PPP6R1: variants seen among roughly 807,000 people sequenced by gnomAD.
PPP6R1 encodes protein phosphatase 6 regulatory subunit 1, also known as serine/threonine-protein phosphatase 6 regulatory subunit 1.
PPP6R1 carries 39 observed loss-of-function variants against 104.6 expected under a neutral mutation model. The ratio of observed to expected loss-of-function variants is 0.37; its 90% CI spans 0.29 to 0.49. The LOEUF (loss-of-function observed/expected upper bound fraction) is 0.49. Among genes scored for constraint, PPP6R1 ranks in the 20% least tolerant of loss-of-function variants. The pLI, the probability that PPP6R1 is intolerant of heterozygous loss-of-function variation, is 0.98. For missense variants in PPP6R1, 1,181 were observed against 1,155.8 expected, an observed-to-expected ratio of 1.02 and a Z score of -0.32; for synonymous variants, 549 against 479.0, an observed-to-expected ratio of 1.15 and a Z score of -1.91.
At chr19:55,248,371 C>T (rs925877780) in intron 1 of PPP6R1, among the ~76,000 whole-genome samples, 2 of 152,252 alleles carry the variant, frequency 1.3e-5, no homozygotes, top group South Asian at 2.1e-4. Context: ...ACAGCCTTCA[C>T]GGAGCTCTCA....
chr19:55,231,174 C>T (rs972156330), intron 21 of PPP6R1, among the ~76,000 whole-genome samples: 2 of 152,144 alleles, frequency 1.3e-5, no homozygotes, highest in African/African-American at 4.8e-5. Context: ...CAATCCTTCA[C>T]ACCCTCCAAC....
intron 17 of PPP6R1, among the ~76,000 whole-genome samples, chr19:55,234,382 T>A (rs1304121130): frequency 2.6e-5 from 4 of 152,192 alleles, no homozygotes; most frequent in African/African-American, 9.7e-5. Context: ...AAATATTTCC[T>A]TTTTACACAG....
chr19:55,257,226 T>C (rs2087600048), intron 1 of PPP6R1, among the ~76,000 whole-genome samples: 1 of 152,216 alleles, frequency 6.6e-6, no homozygotes, highest in South Asian at 2.1e-4. Flanking sequence ...TCCTGTGTTA[T>C]CCAGGCAATC....
chr19:55,257,810 T>C (rs559877241), intron 1 of PPP6R1, among the ~76,000 whole-genome samples: 5 of 152,196 alleles, frequency 3.3e-5, no homozygotes, highest in Non-Finnish European at 7.3e-5. Context: ...TGATGCCCCC[T>C]CCTCGGTGCC....
intron 15 of PPP6R1, among the ~76,000 whole-genome samples, chr19:55,238,213 A>G (rs1157764362): frequency 6.6e-6 from 1 of 151,908 alleles, no homozygotes; most frequent in Non-Finnish European, 1.5e-5. Context: ...TTTTCACTTG[A>G]GCATCTTCTC....
At chr19:55,233,439 G>GTTCAAC (rs1397555433) in intron 17 of PPP6R1, among the ~76,000 whole-genome samples, 1 of 152,116 alleles carries the variant, frequency 6.6e-6, no homozygotes, top group Non-Finnish European at 1.5e-5. Context: ...CATTGTCCCG[G>GTTCAAC]AGGCTAGCCA....
chr19:55,237,171 C>T (rs1442091978), intron 15 of PPP6R1, among the ~76,000 whole-genome samples: 2 of 152,234 alleles, frequency 1.3e-5, no homozygotes, highest in Non-Finnish European at 2.9e-5. Context: ...CATATGATCA[C>T]TTTAAATCCT....
chr19:55,253,501 A>C (rs530584342), intron 1 of PPP6R1, among the ~76,000 whole-genome samples: 5 of 152,222 alleles, frequency 3.3e-5, no homozygotes, highest in Non-Finnish European at 2.9e-5. Flanking sequence ...GGCAGCCAGA[A>C]TGAGACGGGA....
At chr19:55,233,906 T>C (rs2087371634) in intron 17 of PPP6R1, among the ~76,000 whole-genome samples, 1 of 152,126 alleles carries the variant, frequency 6.6e-6, no homozygotes, top group Non-Finnish European at 1.5e-5. Flanking sequence ...GGCAAAACAA[T>C]CTTTAAAAAG....
intron 5 of PPP6R1, among the ~76,000 whole-genome samples, chr19:55,243,141 G>A (rs574299254): frequency 3.3e-5 from 5 of 152,114 alleles, no homozygotes; most frequent in African/African-American, 7.2e-5. Context: ...GGGGCCGGGC[G>A]CGGTGGCTCA....
At chr19:55,234,918 C>T (rs1242694712) in intron 17 of PPP6R1, among the ~76,000 whole-genome samples, 1 of 152,154 alleles carries the variant, frequency 6.6e-6, no homozygotes, top group Non-Finnish European at 1.5e-5. Flanking sequence ...ACAACTTTAC[C>T]CTCAGAAGGG....
chr19:55,256,247 G>C (rs2087592285), intron 1 of PPP6R1, among the ~76,000 whole-genome samples: 1 of 152,144 alleles, frequency 6.6e-6, no homozygotes, highest in Non-Finnish European at 1.5e-5. Context: ...AAGCCACAAC[G>C]ACACACCATA....
At chr19:55,242,117 A>G in intron 7 of PPP6R1, 49 bp downstream of exon 7, 1 of 1,521,520 alleles carries the variant, frequency 6.6e-7, no homozygotes, top group Non-Finnish European at 9.0e-7. Flanking sequence ...GGGGCCGGAG[A>G]GCCCCTGGGG....
chr19:55,238,153 G>A (rs1318736652), intron 15 of PPP6R1, among the ~76,000 whole-genome samples: 2 of 151,870 alleles, frequency 1.3e-5, no homozygotes, highest in African/African-American at 2.4e-5. Context: ...CTCCTGCCTC[G>A]GCCTCCCTAA....
intron 17 of PPP6R1, among the ~76,000 whole-genome samples, chr19:55,233,437 C>T (rs541173454): frequency 4.3e-4 from 66 of 152,140 alleles, no homozygotes; most frequent in African/African-American, 1.1e-3. Flanking sequence ...AACATTGTCC[C>T]GGAGGCTAGC....
At chr19:55,235,769 C>T (rs1245241719) in intron 17 of PPP6R1, among the ~76,000 whole-genome samples, 1 of 151,868 alleles carries the variant, frequency 6.6e-6, no homozygotes, top group Admixed American at 6.6e-5. Flanking sequence ...CCGCCCGCCT[C>T]AGCCTCCCAA....
chr19:55,255,994 G>C (rs187238881), intron 1 of PPP6R1, among the ~76,000 whole-genome samples: 3 of 152,306 alleles, frequency 2.0e-5, no homozygotes, highest in Admixed American at 2.0e-4. Flanking sequence ...ATAAGGCCAG[G>C]CCCAACTAAA....
In PPP6R1 at chr19:55,242,243, G is replaced by C. The variant is rs745886585; in HGVS notation, c.768C>G (p.Phe256Leu). The C allele has an allele frequency of 1.3e-5, 21 of 1,613,772 alleles. No individual in the cohort carries two copies. The highest frequency in any genetic ancestry group is 1.0e-4 in the Admixed American group (6 of 60,004). ...ETIEQLLSNM[F>L]EGEQSQSVIV... ...TGACAGACTGGCTCTGCTCCCCCTCGAACATGTTGCTTAAGAGCTGCTCAA... is the reference window on the plus strand; with the variant it reads ...TGACAGACTGGCTCTGCTCCCCCTCCAACATGTTGCTTAAGAGCTGCTCAA... The change falls in exon 7 of 24, where the codon TTC becomes TTG. Residue 256 changes from phenylalanine to leucine, a missense_variant. Phe to Leu is a conservative substitution (Grantham distance 22, BLOSUM62 0). Around this residue, in one of 2 missense-constraint regions of PPP6R1, gnomAD observed 1,042 missense variants for 955.6 expected, o/e 1.09. Coordinates refer to ENST00000412770, the MANE Select transcript of PPP6R1 (RefSeq NM_014931.4).
Position 55,230,290 on chromosome 19 carries a change from ATTTGACTCTCTG to A in PPP6R1, c.*226_*237del, listed in dbSNP as rs1266267170. On this transcript the variant is annotated 3_prime_UTR_variant, in exon 24 of 24. Transcript: ENST00000412770. Reference sequence around the variant, plus strand: ...ATGTTTCTCTCTCTCCATTCTCTCTATTTGACTCTCTGTATCTTTATTCTAGGAGGCAACGCT... The same window carrying A: ...ATGTTTCTCTCTCTCCATTCTCTCTATATCTTTATTCTAGGAGGCAACGCT... 1.0e-5 allele frequency: 6 copies of A among 593,872 alleles called. No homozygotes were observed. In the Admixed American group the frequency reaches 1.2e-4, roughly 12 times the overall value. 36.8% of individuals were successfully genotyped at this position (593,872 alleles called of 1,614,324 possible). A position where few individuals can be genotyped will look rare whatever the true frequency, so the allele number is the denominator to read the frequency against.
Sources: allele counts gnomAD v4.1 joint callset (sites outside exome capture counted in the v4.1 genomes callset), GRCh38; gene constraint gnomAD v4.1.1; regional missense constraint gnomAD v4.1.1; transcripts MANE v1.5; gene names NCBI Gene and HGNC (gene_info 2026-07-23, HGNC 2026-07-21).